The following ASTN2 variants were observed in gnomAD, a reference collection of about 807,000 sequenced individuals.
ASTN2 encodes astrotactin-2.
In ASTN2, 54 loss-of-function variants were observed where a neutral mutation model predicts 139.8. The ratio of observed to expected loss-of-function variants is 0.39; its 90% CI spans 0.31 to 0.48. The LOEUF is 0.48. Among genes scored for constraint, ASTN2 ranks in the 20% least tolerant of loss-of-function variants. The pLI is 0.95. For missense variants in ASTN2, 1,565 were observed against 1,725.1 expected, an observed-to-expected ratio of 0.91 and a Z score of 1.64; for synonymous variants, 756 against 719.5, an observed-to-expected ratio of 1.05 and a Z score of -0.81.
At chr9:117,055,360 T>C (rs1839028217) in intron 5 of ASTN2, among the ~76,000 whole-genome samples, 1 of 152,192 alleles carries the variant, frequency 6.6e-6, no homozygotes, top group Non-Finnish European at 1.5e-5. Flanking sequence ...CTCATGCCTG[T>C]AATCCCAACA....
intron 11 of ASTN2, among the ~76,000 whole-genome samples, chr9:116,858,363 G>A (rs1255000188): frequency 1.3e-5 from 2 of 152,190 alleles, no homozygotes; most frequent in Non-Finnish European, 2.9e-5. Context: ...CAGATTGTCT[G>A]GTGTTGGGTT....
intron 7 of ASTN2, among the ~76,000 whole-genome samples, chr9:116,983,194 C>T (rs1378288498): frequency 6.6e-6 from 1 of 152,142 alleles, no homozygotes; most frequent in East Asian, 1.9e-4. Context: ...AACATGGATC[C>T]CTTCCCCATG....
intron 3 of ASTN2, among the ~76,000 whole-genome samples, chr9:117,163,647 A>G (rs1830603150): frequency 6.6e-6 from 1 of 152,114 alleles, no homozygotes; most frequent in Admixed American, 6.6e-5. Context: ...ATTTGACTTG[A>G]GTCTACATCT....
intron 2 of ASTN2, among the ~76,000 whole-genome samples, chr9:117,218,193 T>C (rs1413469456): frequency 6.6e-6 from 1 of 152,220 alleles, no homozygotes; most frequent in Non-Finnish European, 1.5e-5. Flanking sequence ...AGGGACCCCC[T>C]GGTTTGGGAG....
At chr9:117,315,102 T>C (rs2130822014) in intron 1 of ASTN2, among the ~76,000 whole-genome samples, 1 of 151,824 alleles carries the variant, frequency 6.6e-6, no homozygotes, top group East Asian at 1.9e-4. Context: ...ATGTTTTCTA[T>C]CAAAATCTCC....
intron 5 of ASTN2, among the ~76,000 whole-genome samples, chr9:117,083,036 A>C (rs1828469771): frequency 6.6e-6 from 1 of 152,078 alleles, no homozygotes; most frequent in Admixed American, 6.5e-5. Flanking sequence ...CACAGTTTGG[A>C]ATAATATATT....
intron 5 of ASTN2, among the ~76,000 whole-genome samples, chr9:117,080,002 T>C (rs1828384503): frequency 1.4e-5 from 1 of 69,534 alleles, no homozygotes; most frequent in Admixed American, 1.4e-4. Flanking sequence ...GTGGGTTGGT[T>C]AGAGTGACTT....
intron 3 of ASTN2, among the ~76,000 whole-genome samples, chr9:117,200,079 T>A (rs1030415075): frequency 1.3e-5 from 2 of 150,912 alleles, no homozygotes; most frequent in African/African-American, 4.8e-5. Flanking sequence ...TTATTATTTT[T>A]TAAATTTTAT....
At chr9:116,672,427 TAA>T (rs1441086057) in intron 16 of ASTN2, among the ~76,000 whole-genome samples, 1 of 152,200 alleles carries the variant, frequency 6.6e-6, no homozygotes, top group Admixed American at 6.5e-5. Flanking sequence ...TTAGGTTGTA[TAA>T]GAGTTTTAAA....
chr9:116,852,879 A>ACACACG (rs1491211901), intron 11 of ASTN2, among the ~76,000 whole-genome samples: 25 of 1,144 alleles, frequency 0.022, no homozygotes, highest in African/African-American at 0.15. Flanking sequence ...AGGGGAAAAT[A>ACACACG]CACACACACA....
intron 5 of ASTN2, among the ~76,000 whole-genome samples, chr9:117,089,525 ATTC>A (rs1828650493): frequency 7.2e-6 from 1 of 138,854 alleles, no homozygotes; most frequent in Admixed American, 7.3e-5. Flanking sequence ...TTTTTTCCCC[ATTC>A]TTTATTATTT....
At chr9:116,603,185 T>C (rs775930094) in intron 19 of ASTN2, among the ~76,000 whole-genome samples, 11 of 152,022 alleles carry the variant, frequency 7.2e-5, no homozygotes, top group East Asian at 1.9e-4. Context: ...CAAGCAGTGA[T>C]TGAAATATGA....
At chr9:116,899,297 T>C (rs1192573221) in intron 10 of ASTN2, among the ~76,000 whole-genome samples, 1 of 152,198 alleles carries the variant, frequency 6.6e-6, no homozygotes, top group Non-Finnish European at 1.5e-5. Context: ...TAGGGCAGAC[T>C]GGCCTTTTCC....
In ASTN2 at chr9:116,425,774, C is replaced by A; in HGVS notation, c.*77G>T. 6.2e-7 allele frequency: 1 copy of A among 1,606,746 alleles called. No individual in the cohort carries two copies. On this transcript the variant is annotated 3_prime_UTR_variant, in exon 23 of 23. Coordinates refer to ENST00000313400, the MANE Select transcript of ASTN2 (RefSeq NM_001365068.1). ...ATCCTCAGCTGTCCCCCAGCCCACC[C>A]AGGCCCCAGGATCCAGGAGAATACT...
In ASTN2 at chr9:116,951,337, C is replaced by CAAAAAAAAAAA. The variant is rs386416039; in HGVS notation, c.1889+23860_1889+23870dup. On this transcript the variant is annotated intron_variant, in intron 10 of 22. Transcript: ENST00000313400. ...GGGCAACAAGAGTGAAACTCTGTCT[C>CAAAAAAAAAAA]AAAAAAAAAAAAAAAAAAAAAAAAA... Among the ~76,000 whole-genome samples the CAAAAAAAAAAA allele has an allele frequency of 4.4e-4, 15 of 34,072 alleles. 3 individuals are homozygous for CAAAAAAAAAAA. Among genetic ancestry groups the CAAAAAAAAAAA allele is most frequent in the African/African-American group, 1.8e-3 (11 of 6,084 alleles). 22.4% of individuals were successfully genotyped at this position (34,072 alleles called of 152,430 possible).
chr9:116,444,003 T>C (rs1357158606), intron 20 of ASTN2, among the ~76,000 whole-genome samples: 2 of 152,226 alleles, frequency 1.3e-5, no homozygotes, highest in Admixed American at 6.5e-5. Flanking sequence ...TTAATTATTA[T>C]GTGCTAAGAC....
intron 10 of ASTN2, among the ~76,000 whole-genome samples, chr9:116,924,573 G>T (rs1403089489): frequency 6.6e-6 from 1 of 152,104 alleles, no homozygotes; most frequent in Non-Finnish European, 1.5e-5. Context: ...CGGGAAAGGG[G>T]CAGGCAATTC....
chr9:116,591,317 C>A (rs1432420993), intron 19 of ASTN2, among the ~76,000 whole-genome samples: 1 of 152,162 alleles, frequency 6.6e-6, no homozygotes, highest in Non-Finnish European at 1.5e-5. Flanking sequence ...GAGCTGGCAC[C>A]CATGCCGGAA....
At chr9:116,683,233 A>G (rs1389405722) in intron 16 of ASTN2, among the ~76,000 whole-genome samples, 1 of 152,066 alleles carries the variant, frequency 6.6e-6, no homozygotes, top group Non-Finnish European at 1.5e-5. Context: ...AGAATCGAGG[A>G]AAAACTTTCA....
Sources: allele counts gnomAD v4.1 joint callset (sites outside exome capture counted in the v4.1 genomes callset), GRCh38; gene constraint gnomAD v4.1.1; transcripts MANE v1.5; gene names NCBI Gene and HGNC (gene_info 2026-07-23, HGNC 2026-07-21).